Variants in MOGAT2 observed in about 807,000 individuals in gnomAD.
MOGAT2 encodes 2-acylglycerol O-acyltransferase 2.
MOGAT2 carries 27 observed loss-of-function variants against 31.5 expected under a neutral mutation model. The ratio of observed to expected loss-of-function variants is 0.86; its 90% confidence interval spans 0.63 to 1.18. MOGAT2 has a LOEUF of 1.18. Among genes scored for constraint, MOGAT2 ranks in the 50% most tolerant of loss-of-function variants. The pLI, the probability that MOGAT2 is intolerant of heterozygous loss-of-function variation, is 0.00. For missense variants in MOGAT2, 436 were observed against 433.2 expected, an observed-to-expected ratio of 1.01 and a Z score of -0.06; for synonymous variants, 163 against 170.0, an observed-to-expected ratio of 0.96 and a Z score of 0.32.
rs775898019 is a variant in MOGAT2 at position 75,720,105 on chromosome 11, C to G, written c.205C>G (p.Arg69Gly). Residue 69 changes from arginine to glycine, a missense_variant, in exon 2 of 6, where the codon CGG (arginine) becomes GGG (glycine). By Grantham distance (125) the Arg-to-Gly change is moderately radical. Transcript: ENST00000198801. ...LDRDKPRQGGRHIQAIRCWTI... is the reference protein window; with the variant it reads ...LDRDKPRQGGGHIQAIRCWTI... ...CCGAGACAAGCCACGGCAGGGGGGC[C>G]GGCACATCCAGGCCATCAGGTGCTG... is the stretch of plus-strand genomic sequence containing the variant. 17 of 1,614,094 alleles carry G rather than the reference C, an allele frequency of 1.1e-5. No homozygotes were observed. In the South Asian group the frequency reaches 1.9e-4, roughly 18 times the overall value.
chr11:75,719,996 G>T lies in MOGAT2; in HGVS notation c.96G>T (p.Glu32Asp). 1 of 1,613,708 alleles carries T rather than the reference G, an allele frequency of 6.2e-7. No homozygotes were observed. The highest frequency in any genetic ancestry group is 8.5e-7 in the Non-Finnish European group (1 of 1,180,002). The stretch of plus-strand genomic sequence containing the variant: ...AGCTCCTTCTTCCCTCCCCAGCCGA[G>T]ATCTGCACTGTGGGCTTCATAGCCC... ...QFVFSFLALA[E>D]ICTVGFIALL... The change falls in exon 2 of 6, where the codon GAG (glutamate) becomes GAT (aspartate). Residue 32 changes from glutamate (E) to aspartate (D), a missense_variant. By Grantham distance (45) the Glu-to-Asp change is conservative (BLOSUM62 2). Transcript: ENST00000198801.
intron 1 of MOGAT2, among the ~76,000 whole-genome samples, chr11:75,718,637 A>G (rs1944350745): frequency 6.6e-6 from 1 of 152,172 alleles, no homozygotes; most frequent in African/African-American, 2.4e-5. Flanking sequence ...TGCTTGGCAC[A>G]GACCTGGCCT....
chr11:75,728,261 C>A, intron 4 of MOGAT2, 117 bp downstream of exon 4: 1 of 1,215,388 alleles, frequency 8.2e-7, no homozygotes, highest in Non-Finnish European at 1.2e-6. Flanking sequence ...ATTTTCAGTC[C>A]ATTCACAATT....
chr11:75,728,252 T>C (rs1944440888), intron 4 of MOGAT2, 108 bp downstream of exon 4: 1 of 1,274,078 alleles, frequency 7.8e-7, no homozygotes. Context: ...TTGGTAGAGA[T>C]TTTCAGTCCA....
intron 2 of MOGAT2, among the ~76,000 whole-genome samples, chr11:75,721,329 C>T (rs1259147995): frequency 1.3e-5 from 2 of 152,000 alleles, no homozygotes; most frequent in Non-Finnish European, 2.9e-5. Flanking sequence ...GTCACCCAGG[C>T]TGGAGTGCAA....
At chr11:75,724,850 C>A (rs988116708) in intron 2 of MOGAT2, among the ~76,000 whole-genome samples, 1 of 152,210 alleles carries the variant, frequency 6.6e-6, no homozygotes, top group Admixed American at 6.5e-5. Flanking sequence ...TGTCCCCCAC[C>A]TTGCTTTTCC....
Position 75,727,408 on chromosome 11 carries a change from TGGCTCAGCA to T in MOGAT2, c.271-24_271-16del. On this transcript the variant is annotated intron_variant, in intron 2 of 5. Coordinates refer to ENST00000198801, the MANE Select transcript of MOGAT2 (RefSeq NM_025098.4). ...CAGGGCTGGTACACAGGCCCCGCCC[TGGCTCAGCA>T]GGTTGCCGTCCCTGCAGCTGGTCAA... 6.2e-7 allele frequency: 1 copy of T among 1,605,448 alleles called. No individual in the cohort carries two copies. The highest frequency in any genetic ancestry group is 8.5e-7 in the Non-Finnish European group (1 of 1,174,280).
chr11:75,725,949 G>A (rs187994357), intron 2 of MOGAT2, among the ~76,000 whole-genome samples: 6 of 152,312 alleles, frequency 3.9e-5, no homozygotes, highest in Non-Finnish European at 5.9e-5. Flanking sequence ...CACTGAAAAG[G>A]GTGGCCCCCG....
chr11:75,727,886 C>T (rs778530186), intron 3 of MOGAT2, 84 bp from the exon 4 acceptor site: 25 of 1,389,824 alleles, frequency 1.8e-5, no homozygotes, highest in Non-Finnish European at 2.5e-5. Flanking sequence ...GTAGGCATTG[C>T]TGGTGATCTC....
chr11:75,729,056 GA>G (rs1565302115), intron 5 of MOGAT2, 67 bp downstream of exon 5: 2 of 1,504,212 alleles, frequency 1.3e-6, no homozygotes, highest in East Asian at 4.5e-5. Flanking sequence ...GCTGCAAGGG[GA>G]CATGGAGATG....
Position 75,720,115 on chromosome 11 carries a change from A to G in MOGAT2, c.215A>G (p.Gln72Arg), listed in dbSNP as rs1258094146. Residue 72 changes from glutamine (Q) to arginine (R), a missense_variant, in exon 2 of 6, where the codon CAG (glutamine) becomes CGG (arginine). By Grantham distance (43) the Gln-to-Arg change is conservative. Transcript: ENST00000198801. ...DKPRQGGRHI[Q>R]AIRCWTIWKY... ...CCACGGCAGGGGGGCCGGCACATCC[A>G]GGCCATCAGGTGCTGGACTATATGG... is the stretch of plus-strand genomic sequence containing the variant. 1 of 1,614,076 alleles carries G rather than the reference A, an allele frequency of 6.2e-7. No homozygotes were observed. The highest frequency in any genetic ancestry group is 1.3e-5 in the African/African-American group (1 of 75,016).
intron 1 of MOGAT2, 135 bp downstream of exon 1, chr11:75,718,114 T>G: frequency 1.1e-6 from 1 of 908,062 alleles, no homozygotes; most frequent in Admixed American, 2.1e-5. Flanking sequence ...TCAGAGCCCC[T>G]GCCCAGAGAG....
At chr11:75,722,395 G>A (rs1944383568) in intron 2 of MOGAT2, among the ~76,000 whole-genome samples, 2 of 152,200 alleles carry the variant, frequency 1.3e-5, no homozygotes, top group Non-Finnish European at 1.5e-5. Context: ...CCAAGCCAAA[G>A]AAAACCTGAA....
At chr11:75,728,699 TC>T in intron 4 of MOGAT2, 90 bp from the exon 5 acceptor site, 1 of 1,137,370 alleles carries the variant, frequency 8.8e-7, no homozygotes, top group East Asian at 2.4e-5. Flanking sequence ...CATTTCTTGG[TC>T]ACTGAGTCCC....
At chr11:75,726,267 G>A (rs1474964001) in intron 2 of MOGAT2, among the ~76,000 whole-genome samples, 2 of 152,160 alleles carry the variant, frequency 1.3e-5, no homozygotes, top group African/African-American at 4.8e-5. Context: ...GAGAGCCACA[G>A]GGTGCCATGC....
intron 4 of MOGAT2, chr11:75,728,580 G>T: frequency 1.0e-5 from 6 of 599,238 alleles, no homozygotes; most frequent in Non-Finnish European, 1.8e-5. Context: ...GGTGCAACTG[G>T]GAAGTTGTGG....
At chr11:75,730,966 T>A in intron 5 of MOGAT2, 166 bp from the exon 6 acceptor site, 1 of 418,182 alleles carries the variant, frequency 2.4e-6, no homozygotes, top group Non-Finnish European at 4.1e-6. Flanking sequence ...ATCCAGCCGT[T>A]GTTATTATAT....
chr11:75,725,130 G>C (rs563616102), intron 2 of MOGAT2, among the ~76,000 whole-genome samples: 1 of 152,206 alleles, frequency 6.6e-6, no homozygotes, highest in African/African-American at 2.4e-5. Context: ...TAAAAGATCA[G>C]TTATATTTTT....
chr11:75,728,622 T>G, intron 4 of MOGAT2, 168 bp from the exon 5 acceptor site: 1 of 628,948 alleles, frequency 1.6e-6, no homozygotes, highest in Non-Finnish European at 2.8e-6. Flanking sequence ...GGTCAGAGAA[T>G]GGGGCTGTGA....
Sources: gnomAD v4.1 joint callset for allele counts (sites outside exome capture counted in the v4.1 genomes callset) on GRCh38, gnomAD v4.1.1 for gene constraint, MANE v1.5 for transcripts, NCBI Gene and HGNC (gene_info 2026-07-23, HGNC 2026-07-21) for gene names.